Variants in DLG2 observed in about 807,000 individuals in gnomAD.
The protein encoded by DLG2 is discs large MAGUK scaffold protein 2, also known as disks large homolog 2.
Under a neutral mutation model 132.5 loss-of-function variants are expected in DLG2, and 45 were observed. The ratio of observed to expected loss-of-function variants is 0.34; its 90% CI spans 0.27 to 0.44. The LOEUF (loss-of-function observed/expected upper bound fraction) is 0.44. DLG2 is among the 20% of genes least tolerant of loss of function. DLG2 has a pLI of 1.00. For synonymous variants in DLG2, 424 were observed against 419.6 expected (o/e 1.01, Z -0.13); for missense variants, 1,045 against 1,196.9 (o/e 0.87, Z 1.87).
chr11:84,931,519 T>C (rs1003512290), intron 6 of DLG2, among the ~76,000 whole-genome samples: 43 of 152,214 alleles, frequency 2.8e-4, no homozygotes, highest in African/African-American at 9.6e-4. Flanking sequence ...TATGGACGCA[T>C]AGTATTTCAT....
intron 3 of DLG2, among the ~76,000 whole-genome samples, chr11:85,460,264 C>T (rs2092563519): frequency 6.6e-6 from 1 of 152,164 alleles, no homozygotes; most frequent in Non-Finnish European, 1.5e-5. Flanking sequence ...TGCTGGGATA[C>T]CTAGGAATTC....
chr11:83,872,330 G>T (rs997930297), intron 16 of DLG2, among the ~76,000 whole-genome samples: 5 of 152,144 alleles, frequency 3.3e-5, no homozygotes, highest in African/African-American at 9.7e-5. Flanking sequence ...TTAGAGAGGT[G>T]AAGGTCGCTG....
chr11:83,616,248 T>A (rs944133798), intron 19 of DLG2, among the ~76,000 whole-genome samples: 2 of 152,196 alleles, frequency 1.3e-5, no homozygotes, highest in African/African-American at 4.8e-5. Flanking sequence ...TCATTACTAT[T>A]GGGTATATAC....
At chr11:84,125,096 C>T (rs11233909) in intron 9 of DLG2, among the ~76,000 whole-genome samples, 11,131 of 152,030 alleles carry the variant, frequency 0.073, 476 homozygotes, top group African/African-American at 0.11. Context: ...GTGATATGCC[C>T]GTCTCGGCCT....
chr11:85,414,160 A>C (rs142551738), intron 3 of DLG2, among the ~76,000 whole-genome samples: 2 of 151,984 alleles, frequency 1.3e-5, no homozygotes, highest in East Asian at 3.9e-4. Context: ...TCTTCCAGCT[A>C]TTGTAAAAGG....
At chr11:85,110,517 T>C (rs2072543128) in intron 6 of DLG2, among the ~76,000 whole-genome samples, 1 of 152,030 alleles carries the variant, frequency 6.6e-6, no homozygotes. Context: ...GCTCAAAAAT[T>C]AACATTTTTA....
At chr11:85,378,855 T>C (rs1314227475) in intron 3 of DLG2, among the ~76,000 whole-genome samples, 2 of 152,152 alleles carry the variant, frequency 1.3e-5, no homozygotes, top group African/African-American at 2.4e-5. Flanking sequence ...AATACATCTT[T>C]CCATGTACCT....
chr11:83,482,988 T>C (rs535396274), intron 22 of DLG2, among the ~76,000 whole-genome samples: 1 of 152,274 alleles, frequency 6.6e-6, no homozygotes, highest in East Asian at 1.9e-4. Context: ...ATCAGGACCA[T>C]GTTGATAATA....
At chr11:85,486,325 G>C (rs974546741) in intron 3 of DLG2, among the ~76,000 whole-genome samples, 11 of 152,126 alleles carry the variant, frequency 7.2e-5, no homozygotes, top group African/African-American at 1.4e-4. Flanking sequence ...AACTGAGAGG[G>C]GCCTCATCCT....
At chr11:85,221,102 G>T (rs1213636573) in intron 4 of DLG2, among the ~76,000 whole-genome samples, 1 of 151,630 alleles carries the variant, frequency 6.6e-6, no homozygotes, top group African/African-American at 2.4e-5. Flanking sequence ...GAGTACAGTG[G>T]TGTGATCCCA....
At chr11:84,990,118 C>T (rs2056925033) in intron 6 of DLG2, among the ~76,000 whole-genome samples, 1 of 152,134 alleles carries the variant, frequency 6.6e-6, no homozygotes, top group South Asian at 2.1e-4. Context: ...GACTTGTATC[C>T]ACGATATGTG....
intron 7 of DLG2, among the ~76,000 whole-genome samples, chr11:84,532,117 A>T (rs77082426): frequency 1.3e-3 from 132 of 104,586 alleles, no homozygotes; most frequent in East Asian, 3.7e-3. Context: ...TGTTCTGTTC[A>T]TTTTTTTTTT....
At chr11:83,956,794 C>A (rs2086976535) in intron 14 of DLG2, among the ~76,000 whole-genome samples, 1 of 152,198 alleles carries the variant, frequency 6.6e-6, no homozygotes, top group African/African-American at 2.4e-5. Flanking sequence ...GTTGTCTGAT[C>A]CTTCGAGAGC....
At chr11:84,857,613 G>T (rs1385557809) in intron 6 of DLG2, among the ~76,000 whole-genome samples, 1 of 151,910 alleles carries the variant, frequency 6.6e-6, no homozygotes, top group Non-Finnish European at 1.5e-5. Flanking sequence ...ACACTAAATT[G>T]GTATGCATTT....
chr11:84,358,895 C>G (rs560071720), intron 7 of DLG2, among the ~76,000 whole-genome samples: 2 of 151,982 alleles, frequency 1.3e-5, no homozygotes, highest in Non-Finnish European at 2.9e-5. Flanking sequence ...GCAACTTATC[C>G]AAGGCCATGC....
intron 7 of DLG2, among the ~76,000 whole-genome samples, chr11:84,522,764 A>G (rs1166415566): frequency 6.6e-6 from 1 of 152,186 alleles, no homozygotes; most frequent in Non-Finnish European, 1.5e-5. Flanking sequence ...CTTCTGGACT[A>G]TTTTTATACT....
chr11:85,486,576 G>C (rs930521602), intron 3 of DLG2, among the ~76,000 whole-genome samples: 6 of 152,030 alleles, frequency 3.9e-5, no homozygotes, highest in African/African-American at 1.4e-4. Context: ...GCCAAGATTT[G>C]AGGTCAGGCT....
At chr11:84,842,388 A>G (rs894371712) in intron 6 of DLG2, among the ~76,000 whole-genome samples, 9 of 151,958 alleles carry the variant, frequency 5.9e-5, no homozygotes, top group African/African-American at 1.9e-4. Context: ...TGTCCCCCGT[A>G]TGTCCATTAT....
intron 7 of DLG2, among the ~76,000 whole-genome samples, chr11:84,287,495 C>A (rs117480459): frequency 6.6e-6 from 1 of 152,086 alleles, no homozygotes; most frequent in Non-Finnish European, 1.5e-5. Context: ...TAAGACTTGT[C>A]TTAACACTTT....
Sources: allele counts gnomAD v4.1 joint callset (sites outside exome capture counted in the v4.1 genomes callset), GRCh38; gene constraint gnomAD v4.1.1; transcripts MANE v1.5; gene names NCBI Gene and HGNC (gene_info 2026-07-23, HGNC 2026-07-21).